COL11A1: variants seen among roughly 807,000 people sequenced by gnomAD.
COL11A1 encodes collagen alpha-1(XI) chain.
In COL11A1, 74 loss-of-function variants were observed where a neutral mutation model predicts 265.2. That is an observed-to-expected ratio of 0.28 (90% CI 0.23 to 0.34). The LOEUF (loss-of-function observed/expected upper bound fraction) is 0.34, where lower values mean the gene tolerates loss of function less well. Ranked by LOEUF, COL11A1 falls within the 10% of genes least tolerant of loss-of-function variation. The pLI is 1.00. For synonymous variants in COL11A1, 816 were observed against 727.6 expected (o/e 1.12, Z -1.96); for missense variants, 2,165 against 2,263.6 (o/e 0.96, Z 0.88).
In COL11A1 at chr1:103,069,969, G is replaced by A. The variant is rs184690873; in HGVS notation, c.651+4649C>T. Among the ~76,000 whole-genome samples, 30 of 151,804 alleles carry A rather than the reference G, an allele frequency of 2.0e-4. No homozygotes were observed. In the East Asian group the frequency reaches 5.2e-3, roughly 26 times the overall value. The stretch of plus-strand genomic sequence containing the variant: ...ACACTGCTGAAGGGAGTATAAAATG[G>A]TTAATGCCACTTTGAAAAATAGTTT... On this transcript the variant is annotated intron_variant, in intron 4 of 66. Coordinates refer to ENST00000370096, the MANE Select transcript of COL11A1 (RefSeq NM_001854.4).
chr1:102,884,511 G>T (rs534046414), intron 63 of COL11A1: 1 of 152,190 alleles, frequency 6.6e-6, no homozygotes, highest in Admixed American at 6.5e-5. Flanking sequence ...TACGATCTCA[G>T]GAGGTGGGCT....
rs373938332 is a variant in COL11A1 at position 102,920,414 on chromosome 1, T to A, written c.3709-50A>T. ...ATTATCCATATTCTTATTAAAATAA[T>A]GCATTCGTAAACATATGTCTAGTTG... is the stretch of plus-strand genomic sequence containing the variant. On this transcript the variant is annotated intron_variant, in intron 48 of 66. Coordinates refer to ENST00000370096, the MANE Select transcript of COL11A1 (RefSeq NM_001854.4). The A allele has an allele frequency of 4.9e-4, 726 of 1,494,936 alleles. 1 individual carries two copies. The highest frequency in any genetic ancestry group is 5.6e-4 in the Non-Finnish European group (597 of 1,071,994). The allele number at this position is 1,494,936 out of a possible 1,614,324, so 92.6% of individuals were successfully genotyped here.
Position 102,914,405 on chromosome 1 carries a change from C to T in COL11A1, c.3925G>A (p.Gly1309Ser). 1 of 1,604,014 alleles carries T rather than the reference C, an allele frequency of 6.2e-7. No homozygotes were observed. The highest frequency in any genetic ancestry group is 8.5e-7 in the Non-Finnish European group (1 of 1,174,378). ...PGDDGPKGNPGPVGFPGDPGP... is the reference protein window; with the variant it reads ...PGDDGPKGNPSPVGFPGDPGP... ...GGATCTCCAGGAAAACCAACAGGAC[C>T]CTAGAATGACGTTTTGAAAGAAAAA... The change falls in exon 52 of 67, where the codon GGT becomes AGT. Residue 1309 changes from glycine (G) to serine (S), a missense_variant and splice_region_variant. Physicochemically the swap from Gly to Ser is moderately conservative, Grantham distance 56. Transcript: ENST00000370096.
At chr1:103,008,375 A>G in intron 15 of COL11A1, 88 bp downstream of exon 15, 1 of 1,126,418 alleles carries the variant, frequency 8.9e-7, no homozygotes, top group Non-Finnish European at 1.3e-6. Context: ...GGAACAAAAA[A>G]AAAATTAACT....
intron 8 of COL11A1, among the ~76,000 whole-genome samples, chr1:103,022,156 G>A (rs1397938560): frequency 2.1e-5 from 3 of 140,748 alleles, no homozygotes; most frequent in African/African-American, 6.4e-5. Context: ...GCACCCGGCC[G>A]GCCATTTGTT....
At chr1:102,910,074 T>C (rs901218019) in intron 54 of COL11A1, among the ~76,000 whole-genome samples, 12 of 152,144 alleles carry the variant, frequency 7.9e-5, no homozygotes, top group Admixed American at 4.6e-4. Context: ...TTTTATGTGA[T>C]AGTTATAGGT....
chr1:102,960,679 G>A (rs1660816761), intron 41 of COL11A1, among the ~76,000 whole-genome samples: 1 of 152,000 alleles, frequency 6.6e-6, no homozygotes, highest in Admixed American at 6.6e-5. Flanking sequence ...AAAAGGTCAT[G>A]GTTTTGAGAA....
intron 63 of COL11A1, 101 bp downstream of exon 63, chr1:102,886,706 A>T: frequency 6.9e-7 from 1 of 1,457,256 alleles, no homozygotes; most frequent in Non-Finnish European, 9.6e-7. Context: ...CATTTTATTT[A>T]GAGACTGTAT....
chr1:102,887,031 G>C lies in COL11A1; in HGVS notation c.4634C>G (p.Pro1545Arg), dbSNP rs1266607435. The C allele has an allele frequency of 6.2e-7, 1 of 1,613,816 alleles. No homozygotes were observed. Among genetic ancestry groups the C allele is most frequent in the Non-Finnish European group, 8.5e-7 (1 of 1,179,838 alleles). The part of the protein sequence containing the change: ...SPGPPGEVIQ[P>R]LPILSSKKTR... ...TTTTTTGGAGGACAAGATTGGTAAA[G>C]GCTGAATGACTTCACCAGGTGGACC... Residue 1545 changes from proline (P) to arginine (R), a missense_variant, in exon 63 of 67, where the codon CCT becomes CGT. Transcript: ENST00000370096.
At chr1:102,919,849 T>A (rs899101690) in intron 49 of COL11A1, among the ~76,000 whole-genome samples, 1 of 152,066 alleles carries the variant, frequency 6.6e-6, no homozygotes, top group Non-Finnish European at 1.5e-5. Context: ...TATAACAAAA[T>A]GAATGATTCA....
chr1:102,958,898 G>T (rs185547946), intron 41 of COL11A1, among the ~76,000 whole-genome samples: 2 of 152,086 alleles, frequency 1.3e-5, no homozygotes, highest in African/African-American at 4.8e-5. Flanking sequence ...CATGGAAGGC[G>T]TCACCAAACT....
chr1:102,988,971 C>T (rs985303410), intron 29 of COL11A1, among the ~76,000 whole-genome samples: 1 of 152,002 alleles, frequency 6.6e-6, no homozygotes, highest in Non-Finnish European at 1.5e-5. Flanking sequence ...TAGTATATTA[C>T]TTAAAAATAA....
At chr1:102,962,359 A>ACACATTTT in intron 39 of COL11A1, 94 bp from the exon 40 acceptor site, 1 of 978,476 alleles carries the variant, frequency 1.0e-6, no homozygotes, top group Non-Finnish European at 1.6e-6. Flanking sequence ...CTGTAAGTAA[A>ACACATTTT]ATGTGAATAT....
intron 41 of COL11A1, among the ~76,000 whole-genome samples, chr1:102,957,513 T>G (rs1321933301): frequency 1.3e-5 from 2 of 152,038 alleles, no homozygotes; most frequent in East Asian, 3.9e-4. Context: ...GCATTATAGG[T>G]GAAAGAAACT....
chr1:102,987,688 T>C lies in COL11A1; in HGVS notation c.2447A>G (p.Lys816Arg), dbSNP rs766287614. The C allele has an allele frequency of 5.0e-6, 8 of 1,613,628 alleles. No individual in the cohort carries two copies. Among genetic ancestry groups the C allele is most frequent in the Non-Finnish European group, 6.8e-6 (8 of 1,179,720 alleles). ...PRGEDGPEGPKGRAGPTGDPG... is the reference protein window; with the variant it reads ...PRGEDGPEGPRGRAGPTGDPG... ...GTCTCCAGTTGGGCCTGCTCGACCTTTGGGTCCTTCAGGGCCATCTTCCCC... is the reference window on the plus strand; with the variant it reads ...GTCTCCAGTTGGGCCTGCTCGACCTCTGGGTCCTTCAGGGCCATCTTCCCC... The change falls in exon 30 of 67, where the codon AAA (lysine) becomes AGA (arginine). Residue 816 changes from lysine to arginine, a missense_variant. By Grantham distance (26) the Lys-to-Arg change is conservative. Coordinates refer to ENST00000370096, the MANE Select transcript of COL11A1 (RefSeq NM_001854.4).
chr1:102,945,017 TCTAA>T (rs1201966351), intron 42 of COL11A1, among the ~76,000 whole-genome samples: 3 of 152,158 alleles, frequency 2.0e-5, no homozygotes, highest in African/African-American at 7.2e-5. Flanking sequence ...ATTCCAACAT[TCTAA>T]CTCTTTCTGA....
chr1:103,047,303 T>A (rs1669369303), intron 4 of COL11A1, among the ~76,000 whole-genome samples: 1 of 152,210 alleles, frequency 6.6e-6, no homozygotes, highest in South Asian at 2.1e-4. Flanking sequence ...TTTGTAGTTA[T>A]CCTTGAAGAG....
chr1:103,099,865 G>A (rs1334216322), intron 1 of COL11A1, among the ~76,000 whole-genome samples: 1 of 151,844 alleles, frequency 6.6e-6, no homozygotes, highest in Admixed American at 6.6e-5. Flanking sequence ...ATTTAAAAAA[G>A]AGGAGTCACT....
At chr1:102,905,218 T>G in intron 54 of COL11A1, among the ~76,000 whole-genome samples, 1 of 103,574 alleles carries the variant, frequency 9.7e-6, no homozygotes, top group Non-Finnish European at 1.8e-5. Flanking sequence ...CACCAGGGAC[T>G]GTTGTGGGGT....
Sources: allele counts gnomAD v4.1 joint callset (sites outside exome capture counted in the v4.1 genomes callset), GRCh38; gene constraint gnomAD v4.1.1; transcripts MANE v1.5; gene names NCBI Gene and HGNC (gene_info 2026-07-23, HGNC 2026-07-21).